TASOR2: variants seen among roughly 807,000 people sequenced by gnomAD.
The protein encoded by TASOR2 is transcription activation suppressor family member 2.
A neutral mutation model predicts 199.5 loss-of-function variants in TASOR2; 84 were observed. That is an observed-to-expected ratio of 0.42 (90% CI 0.35 to 0.50). TASOR2 has a LOEUF of 0.50. Among genes scored for constraint, TASOR2 ranks in the 20% least tolerant of loss-of-function variants. The probability of loss-of-function intolerance (pLI) is 0.02; values close to 1 mark genes in which losing one functional copy is unlikely to be tolerated. For missense variants in TASOR2, 2,796 were observed against 2,835.9 expected, an observed-to-expected ratio of 0.99 and a Z score of 0.32; for synonymous variants, 1,103 against 1,046.6, an observed-to-expected ratio of 1.05 and a Z score of -1.04.
At position 5,748,316 on chromosome 10, in the gene TASOR2, A is replaced by G. The variant is rs201492867; in HGVS notation, c.4895A>G (p.Gln1632Arg). 8.4e-5 allele frequency: 135 copies of G among 1,614,254 alleles called. 1 individual carries two copies. In the Middle Eastern group the frequency reaches 1.2e-3, roughly 14 times the overall value. ...AAAACAGATGAAGGCATTTATCTGC[A>G]GGTGAAGTCCTTGACAGCTGCCTCG... is the stretch of plus-strand genomic sequence containing the variant. Residue 1632 changes from glutamine to arginine, a missense_variant, in exon 15 of 21, where the codon CAG becomes CGG. Around this residue, in one of 3 missense-constraint regions of TASOR2, gnomAD observed 1,941 missense variants for 1,924.9 expected, o/e 1.01. Coordinates refer to ENST00000328090, the Ensembl canonical transcript of TASOR2. This position sits in a 1 kb window ranked among gnomAD's most constrained non-coding sequence, Gnocchi z 5.1.
In TASOR2 at chr10:5,746,936, C is replaced by T. The variant is rs770744066; in HGVS notation, c.3515C>T (p.Ser1172Leu). Residue 1172 changes from serine (S) to leucine (L), a missense_variant, in exon 15 of 21, where the codon TCA becomes TTA. Around this residue, in one of 3 missense-constraint regions of TASOR2, gnomAD observed 1,941 missense variants for 1,924.9 expected, o/e 1.01. Transcript: ENST00000328090. Reference sequence around the variant, plus strand: ...TTAGCTAAAAGTTCTAGTCATCTATCACCCAGTGAAGAAGTGAGATGCACT... The same window carrying T: ...TTAGCTAAAAGTTCTAGTCATCTATTACCCAGTGAAGAAGTGAGATGCACT... 4 of 1,614,220 alleles carry T rather than the reference C, an allele frequency of 2.5e-6. No individual in the cohort carries two copies. In the South Asian group the frequency reaches 3.3e-5, roughly 13 times the overall value.
chr10:5,759,269 T>A (rs2797496), intron 18 of TASOR2, among the ~76,000 whole-genome samples: 1 of 151,978 alleles, frequency 6.6e-6, no homozygotes. Flanking sequence ...ACTACAAACT[T>A]TAAAAAATAT....
At chr10:5,757,584 G>T in exon 17 of TASOR2, 1 of 1,613,618 alleles carries the variant, frequency 6.2e-7, no homozygotes, top group South Asian at 1.1e-5. Context: ...GACAGCCCTG[G>T]AGATGTTCTT....
At chr10:5,746,414 C>T (rs1837218517) in exon 15 of TASOR2, 1 of 1,614,102 alleles carries the variant, frequency 6.2e-7, no homozygotes. Context: ...GTGTACGGCA[C>T]CCTTGAAAAC....
At chr10:5,711,465 A>G (rs1405932111) in intron 1 of TASOR2, among the ~76,000 whole-genome samples, 2 of 152,124 alleles carry the variant, frequency 1.3e-5, no homozygotes, top group Non-Finnish European at 1.5e-5. Flanking sequence ...TCTTCTCCTT[A>G]TTGTTTATAA....
exon 20 of TASOR2, chr10:5,762,549 A>G: frequency 8.7e-7 from 1 of 1,154,930 alleles, no homozygotes; most frequent in East Asian, 2.7e-5. Context: ...TACTATCCCC[A>G]GAGAAGTCTT....
intron 15 of TASOR2, among the ~76,000 whole-genome samples, chr10:5,755,438 G>A (rs1236474344): frequency 1.3e-5 from 2 of 152,062 alleles, no homozygotes; most frequent in Non-Finnish European, 2.9e-5. Context: ...GCCAGGCGTG[G>A]TGGCGGGCAC....
chr10:5,688,300 C>T (rs1404069814), intron 1 of TASOR2, among the ~76,000 whole-genome samples: 1 of 151,958 alleles, frequency 6.6e-6, no homozygotes, highest in Non-Finnish European at 1.5e-5. Flanking sequence ...TCATAGCTCA[C>T]TACAGCCTCC....
chr10:5,749,045 A>G, exon 15 of TASOR2: 1 of 1,614,118 alleles, frequency 6.2e-7, no homozygotes, highest in South Asian at 1.1e-5. Flanking sequence ...TTCCACAACA[A>G]CAACCAAGAG....
rs2131613518 is a variant in TASOR2, at chr10:5,740,503, T to C, written c.2327+6T>C. On this transcript the variant is annotated splice_donor_region_variant and intron_variant, in intron 13 of 20. Coordinates refer to ENST00000328090, the Ensembl canonical transcript of TASOR2. This position sits in a 1 kb window ranked among gnomAD's most constrained non-coding sequence, Gnocchi z 5.3. ...GTAGTAAGAGCATTACATGGGTGAG[T>C]ATGAGTGAAACTTAGTGAAAATGGA... 6.2e-7 allele frequency: 1 copy of C among 1,603,464 alleles called. No homozygotes were observed. The highest frequency in any genetic ancestry group is 2.2e-5 in the East Asian group (1 of 44,758).
intron 11 of TASOR2, 126 bp from the exon 13 acceptor site, chr10:5,735,178 T>C (rs1482763314): frequency 1.6e-5 from 18 of 1,091,568 alleles, no homozygotes; most frequent in Non-Finnish European, 2.4e-5. Context: ...TGAAACTTCA[T>C]AGTTTATTCC....
intron 1 of TASOR2, among the ~76,000 whole-genome samples, chr10:5,691,487 AAG>A (rs1836422888): frequency 2.0e-5 from 3 of 152,204 alleles, no homozygotes; most frequent in African/African-American, 7.2e-5. Flanking sequence ...GTTTTTAAAA[AAG>A]GTAATTTGTC....
chr10:5,718,237 A>G (rs1217494762), intron 3 of TASOR2, among the ~76,000 whole-genome samples: 1 of 152,096 alleles, frequency 6.6e-6, no homozygotes, highest in Non-Finnish European at 1.5e-5. Flanking sequence ...GAATCGTGCA[A>G]TTAGAATTTT....
At chr10:5,728,625 A>C (rs933405519) in intron 10 of TASOR2, among the ~76,000 whole-genome samples, 22 of 152,182 alleles carry the variant, frequency 1.4e-4, no homozygotes, top group East Asian at 3.8e-4. Flanking sequence ...AATTAAAAAA[A>C]AAAACAAAAC....
rs1349719553 is a variant in TASOR2 at position 5,740,505 on chromosome 10, T to C, written c.2327+8T>C. On this transcript the variant is annotated splice_region_variant and intron_variant, in intron 13 of 20. Coordinates refer to ENST00000328090, the Ensembl canonical transcript of TASOR2. This position sits in a 1 kb window ranked among gnomAD's most constrained non-coding sequence, Gnocchi z 5.3. Reference sequence around the variant, plus strand: ...AGTAAGAGCATTACATGGGTGAGTATGAGTGAAACTTAGTGAAAATGGATG... The same window carrying C: ...AGTAAGAGCATTACATGGGTGAGTACGAGTGAAACTTAGTGAAAATGGATG... 1.3e-6 allele frequency: 2 copies of C among 1,599,542 alleles called. No homozygotes were observed. The highest frequency in any genetic ancestry group is 3.4e-5 in the Admixed American group (2 of 59,214).
intron 12 of TASOR2, among the ~76,000 whole-genome samples, chr10:5,736,798 G>A (rs919512695): frequency 1.3e-5 from 2 of 151,888 alleles, no homozygotes; most frequent in Admixed American, 6.6e-5. Flanking sequence ...TTTGTGGTGT[G>A]TGTGTATTTT....
Position 5,740,091 on chromosome 10 carries a change from TCTTC to T in TASOR2, c.1922_1925del (p.Ser641Ter). The T allele has an allele frequency of 6.2e-7, 1 of 1,614,094 alleles. No individual in the cohort carries two copies. The highest frequency in any genetic ancestry group is 8.5e-7 in the Non-Finnish European group (1 of 1,180,020). On this transcript the variant is annotated frameshift_variant, in exon 13 of 21. Coordinates refer to ENST00000328090, the Ensembl canonical transcript of TASOR2. LOFTEE classifies it high-confidence loss of function. This position sits in a 1 kb window ranked among gnomAD's most constrained non-coding sequence, Gnocchi z 5.3. Reference sequence around the variant, plus strand: ...AGCACTTACTGAGGAAATGCTAGAATCTTCAGATGCAAGCCAAAGCTCTTCTGTT... The same window carrying T: ...AGCACTTACTGAGGAAATGCTAGAATAGATGCAAGCCAAAGCTCTTCTGTT...
chr10:5,697,588 G>C (rs1368487349), intron 1 of TASOR2, among the ~76,000 whole-genome samples: 3 of 152,126 alleles, frequency 2.0e-5, no homozygotes, highest in African/African-American at 7.2e-5. Context: ...GCATAACCTT[G>C]GAAAGCAAGG....
chr10:5,707,690 C>A lies in TASOR2; in HGVS notation c.-287-5133C>A, dbSNP rs115691523. ...TCTCTCTCTGTCTCCCCCCCCAACCCCACACACACACATACTCACTCTCCC... is the reference window on the plus strand; with the variant it reads ...TCTCTCTCTGTCTCCCCCCCCAACCACACACACACACATACTCACTCTCCC... On this transcript the variant is annotated intron_variant, in intron 1 of 20. Coordinates refer to ENST00000328090, the Ensembl canonical transcript of TASOR2. Among the ~76,000 whole-genome samples the A allele has an allele frequency of 4.4e-3, 666 of 150,204 alleles. 4 individuals carry two copies. Among genetic ancestry groups the A allele is most frequent in the African/African-American group, 0.016 (633 of 40,656 alleles).
Sources: allele counts gnomAD v4.1 joint callset (sites outside exome capture counted in the v4.1 genomes callset), GRCh38; gene constraint gnomAD v4.1.1; regional missense constraint gnomAD v4.1.1; non-coding constraint Gnocchi (gnomAD v3.1); transcripts MANE v1.5; gene names NCBI Gene and HGNC (gene_info 2026-07-23, HGNC 2026-07-21).